Variants in HDAC4 observed in about 807,000 individuals in gnomAD.
The protein encoded by HDAC4 is histone deacetylase A.
Under a neutral mutation model 135.1 loss-of-function variants are expected in HDAC4, and 16 were observed. The observed-to-expected ratio is 0.12, with a 90% CI of 0.08 to 0.18. The LOEUF (loss-of-function observed/expected upper bound fraction) is 0.18. Ranked by LOEUF, HDAC4 falls within the 10% of genes least tolerant of loss-of-function variation. The pLI is 1.00. For synonymous variants in HDAC4, 685 were observed against 653.4 expected, an observed-to-expected ratio of 1.05 and a Z score of -0.74; for missense variants, 1,143 against 1,511.8, an observed-to-expected ratio of 0.76 and a Z score of 4.05.
chr2:239,234,003 A>G (rs1286512378), intron 3 of HDAC4, among the ~76,000 whole-genome samples: 1 of 152,234 alleles, frequency 6.6e-6, no homozygotes, highest in Non-Finnish European at 1.5e-5. Flanking sequence ...ATACCATAAA[A>G]ATGTGGCTTT....
At position 239,087,633 on chromosome 2, in the gene HDAC4, A is replaced by G. The variant is rs1027674324; in HGVS notation, c.2389-19T>C. ...AGCCATTCTGCAGGTGACACCAGAC[A>G]GCCAGGAGAGAGCAACAAAAGACAC... On this transcript the variant is annotated intron_variant, in intron 18 of 26. Coordinates refer to ENST00000543185, the MANE Select transcript of HDAC4 (RefSeq NM_001378414.1). 6.2e-7 allele frequency: 1 copy of G among 1,612,800 alleles called. No individual in the cohort carries two copies. The highest frequency in any genetic ancestry group is 1.3e-5 in the African/African-American group (1 of 74,954).
intron 2 of HDAC4, among the ~76,000 whole-genome samples, chr2:239,257,389 G>A (rs2049110936): frequency 6.6e-6 from 1 of 152,094 alleles, no homozygotes; most frequent in Admixed American, 6.5e-5. Context: ...ACCAGACAAA[G>A]GCTGGGGGGT....
At chr2:239,169,414 G>A (rs1439989694) in intron 5 of HDAC4, among the ~76,000 whole-genome samples, 3 of 152,218 alleles carry the variant, frequency 2.0e-5, no homozygotes, top group East Asian at 1.9e-4. Flanking sequence ...AAAGCCCCGC[G>A]CACAGGGCTC....
In HDAC4 at chr2:239,052,914, T is replaced by A; in HGVS notation, c.*183A>T. 1.5e-6 allele frequency: 1 copy of A among 686,758 alleles called. No individual in the cohort carries two copies. Among genetic ancestry groups the A allele is most frequent in the Non-Finnish European group, 2.6e-6 (1 of 382,514 alleles). 42.5% of individuals were successfully genotyped at this position (686,758 alleles called of 1,614,324 possible). On this transcript the variant is annotated 3_prime_UTR_variant, in exon 27 of 27. Coordinates refer to ENST00000543185, the MANE Select transcript of HDAC4 (RefSeq NM_001378414.1). ...TGAGGCTGCCACGCCCAGGCGTGCA[T>A]GTGCGTCTCGAGACCTGTGGGCCTG...
Position 239,221,752 on chromosome 2 carries a change from C to T in HDAC4, c.94+14841G>A, listed in dbSNP as rs554513721. ...AAAATCTCATTTTTCAGCCAGTCAT[C>T]GTGGACGAGAGCCATTTTTATAATG... On this transcript the variant is annotated intron_variant, in intron 3 of 26. Coordinates refer to ENST00000543185, the MANE Select transcript of HDAC4 (RefSeq NM_001378414.1). 2.1e-4 allele frequency among the ~76,000 whole-genome samples: 32 copies of T among 152,274 alleles called. No individual in the cohort carries two copies. The South Asian group carries it at 5.6e-3, about 27-fold the overall frequency.
intron 12 of HDAC4, among the ~76,000 whole-genome samples, chr2:239,125,926 C>T (rs958799033): frequency 2.0e-5 from 3 of 152,254 alleles, no homozygotes; most frequent in East Asian, 1.9e-4. Context: ...TGCACCCGGG[C>T]CCCCCGGCCC....
intron 21 of HDAC4, among the ~76,000 whole-genome samples, chr2:239,081,725 T>G (rs933920338): frequency 6.6e-6 from 1 of 152,194 alleles, no homozygotes; most frequent in African/African-American, 2.4e-5. Context: ...GGGGCCGCCA[T>G]GCAGCCCCGC....
chr2:239,094,083 C>A, intron 17 of HDAC4: 1 of 985,464 alleles, frequency 1.0e-6, no homozygotes, highest in Non-Finnish European at 1.2e-6. Flanking sequence ...TGATTACACA[C>A]ACACTGCACC....
At chr2:239,082,069 T>C in intron 21 of HDAC4, 33 bp downstream of exon 21, 1 of 1,609,656 alleles carries the variant, frequency 6.2e-7, no homozygotes, top group Non-Finnish European at 8.5e-7. Flanking sequence ...CAGTCCCCCT[T>C]TCCCCCCAGA....
intron 3 of HDAC4, among the ~76,000 whole-genome samples, chr2:239,207,258 A>G (rs1490641494): frequency 6.6e-6 from 1 of 152,218 alleles, no homozygotes; most frequent in African/African-American, 2.4e-5. Context: ...ATTAGAGGAA[A>G]CTTGGTAGCC....
intron 4 of HDAC4, among the ~76,000 whole-genome samples, chr2:239,184,559 GTC>G (rs1322383871): frequency 2.2e-5 from 3 of 137,980 alleles, no homozygotes; most frequent in African/African-American, 8.4e-5. Flanking sequence ...GTCCCTCAGT[GTC>G]TGTCCTGGAG....
intron 2 of HDAC4, among the ~76,000 whole-genome samples, chr2:239,246,912 A>G (rs1360492319): frequency 6.6e-6 from 1 of 152,358 alleles, no homozygotes; most frequent in African/African-American, 2.4e-5. Flanking sequence ...TGTGCTGTAC[A>G]GCGCTGGGAG....
In HDAC4 at chr2:239,378,327, G is replaced by A. The variant is rs920302323; in HGVS notation, c.-220+22651C>T. 1.8e-4 allele frequency among the ~76,000 whole-genome samples: 28 copies of A among 152,202 alleles called. 1 individual carries two copies. Among genetic ancestry groups the A allele is most frequent in the Admixed American group, 9.8e-4 (15 of 15,280 alleles). On this transcript the variant is annotated intron_variant, in intron 1 of 26. Transcript: ENST00000543185. Reference sequence around the variant, plus strand: ...CTAAAGCAGAGTCCAGGATGGAGACGGAGTTGGCAGCTGGGGTCCACACGA... The same window carrying A: ...CTAAAGCAGAGTCCAGGATGGAGACAGAGTTGGCAGCTGGGGTCCACACGA...
chr2:239,251,283 G>T (rs910182822), intron 2 of HDAC4, among the ~76,000 whole-genome samples: 1 of 152,154 alleles, frequency 6.6e-6, no homozygotes, highest in Non-Finnish European at 1.5e-5. Context: ...TAGCGTCGTG[G>T]GTGATCTGGG....
At chr2:239,177,854 C>A (rs866740962) in intron 4 of HDAC4, among the ~76,000 whole-genome samples, 1 of 152,222 alleles carries the variant, frequency 6.6e-6, no homozygotes, top group Non-Finnish European at 1.5e-5. Context: ...CTAGTGAACA[C>A]TTCCCATTTC....
In HDAC4 at chr2:239,224,579, C is replaced by T. The variant is rs551492235; in HGVS notation, c.94+12014G>A. On this transcript the variant is annotated intron_variant, in intron 3 of 26. Coordinates refer to ENST00000543185, the MANE Select transcript of HDAC4 (RefSeq NM_001378414.1). ...TGTAAAATCGCAGCCCCTCCACTCCCGAGCCCTGCTCTGCCTTCCCTGCTC... is the reference window on the plus strand; with the variant it reads ...TGTAAAATCGCAGCCCCTCCACTCCTGAGCCCTGCTCTGCCTTCCCTGCTC... Among the ~76,000 whole-genome samples, 8 of 152,336 alleles carry T rather than the reference C, an allele frequency of 5.3e-5. No homozygotes were observed. In the East Asian group the frequency reaches 1.4e-3, roughly 26 times the overall value.
chr2:239,258,913 T>C (rs939675069), intron 2 of HDAC4, among the ~76,000 whole-genome samples: 1 of 152,146 alleles, frequency 6.6e-6, no homozygotes, highest in Admixed American at 6.5e-5. Flanking sequence ...CCCAAACACA[T>C]GCTTTTCACA....
At chr2:239,081,998 G>T in intron 21 of HDAC4, 104 bp downstream of exon 21, 2 of 1,254,586 alleles carry the variant, frequency 1.6e-6, no homozygotes, top group Non-Finnish European at 2.3e-6. Flanking sequence ...CACGAAGGCC[G>T]CACTCACTGC....
At chr2:239,211,842 A>G (rs1358734089) in intron 3 of HDAC4, among the ~76,000 whole-genome samples, 1 of 152,208 alleles carries the variant, frequency 6.6e-6, no homozygotes. Context: ...TAAGCCCCGA[A>G]AAAAAGGACA....
Sources: gnomAD v4.1 joint callset for allele counts (sites outside exome capture counted in the v4.1 genomes callset) on GRCh38, gnomAD v4.1.1 for gene constraint, MANE v1.5 for transcripts, NCBI Gene and HGNC (gene_info 2026-07-23, HGNC 2026-07-21) for gene names.